Variants in GULP1 observed in about 807,000 individuals in gnomAD.
GULP1 encodes the protein GULP PTB domain containing engulfment adaptor 1, also known as PTB domain-containing engulfment adapter protein 1.
In GULP1, 19 loss-of-function variants were observed where a neutral mutation model predicts 40.9. The observed-to-expected ratio is 0.46, with a 90% CI of 0.32 to 0.68. GULP1 has a LOEUF of 0.68. GULP1 is among the 30% of genes least tolerant of loss of function. The pLI, the probability that GULP1 is intolerant of heterozygous loss-of-function variation, is 0.03. For missense variants in GULP1, 312 were observed against 362.2 expected (o/e 0.86, Z 1.12); for synonymous variants, 119 against 117.6 (o/e 1.01, Z -0.08).
At chr2:188,410,250 A>G (rs181499462) in intron 2 of GULP1, among the ~76,000 whole-genome samples, 6 of 152,312 alleles carry the variant, frequency 3.9e-5, no homozygotes, top group Admixed American at 3.3e-4. Flanking sequence ...TAAAACTACT[A>G]GAAGAAAACA....
intron 1 of GULP1, among the ~76,000 whole-genome samples, chr2:188,366,627 C>T (rs376055375): frequency 1.6e-5 from 2 of 121,908 alleles, no homozygotes; most frequent in Non-Finnish European, 3.2e-5. Flanking sequence ...GAGTCTCGCT[C>T]TGTTGCCCAG....
chr2:188,493,710 T>C (rs928884793), intron 4 of GULP1, among the ~76,000 whole-genome samples: 14 of 152,038 alleles, frequency 9.2e-5, no homozygotes, highest in Admixed American at 9.2e-4. Flanking sequence ...TAAGAACTGT[T>C]GGTTTCCGGT....
intron 2 of GULP1, among the ~76,000 whole-genome samples, chr2:188,439,205 G>T (rs2057706212): frequency 6.6e-6 from 1 of 151,712 alleles, no homozygotes; most frequent in African/African-American, 2.4e-5. Flanking sequence ...AGCTGTTGGA[G>T]TTGGAAAGGG....
intron 2 of GULP1, among the ~76,000 whole-genome samples, chr2:188,444,416 A>G (rs1025823189): frequency 2.6e-5 from 4 of 152,226 alleles, no homozygotes; most frequent in Non-Finnish European, 4.4e-5. Context: ...TAACTATTAA[A>G]AAAACAAATT....
chr2:188,304,625 T>G (rs1165539467), intron 1 of GULP1, among the ~76,000 whole-genome samples: 1 of 152,148 alleles, frequency 6.6e-6, no homozygotes, highest in Non-Finnish European at 1.5e-5. Flanking sequence ...CAAGTGAGAA[T>G]GTAACACCTT....
At chr2:188,489,424 G>C (rs1431011895) in intron 4 of GULP1, among the ~76,000 whole-genome samples, 1 of 152,004 alleles carries the variant, frequency 6.6e-6, no homozygotes, top group East Asian at 1.9e-4. Context: ...ATCCGAAAAT[G>C]AGTCTTTAAT....
chr2:188,529,064 A>C, intron 5 of GULP1, 33 bp from the exon 6 acceptor site: 1 of 898,692 alleles, frequency 1.1e-6, no homozygotes, highest in Non-Finnish European at 1.8e-6. Flanking sequence ...TAGAAATAGA[A>C]GTGTAGCTTT....
intron 2 of GULP1, among the ~76,000 whole-genome samples, chr2:188,444,566 T>A (rs2058221430): frequency 6.6e-6 from 1 of 152,218 alleles, no homozygotes; most frequent in African/African-American, 2.4e-5. Flanking sequence ...CCAGAGTGAT[T>A]TCTGCTTTCC....
chr2:188,534,188 C>T (rs886451330), intron 6 of GULP1, among the ~76,000 whole-genome samples: 4 of 152,036 alleles, frequency 2.6e-5, no homozygotes, highest in African/African-American at 9.7e-5. Context: ...CATACACTCT[C>T]ATTTTCATCG....
intron 7 of GULP1, among the ~76,000 whole-genome samples, chr2:188,559,328 G>A (rs1054999526): frequency 3.9e-5 from 6 of 151,954 alleles, no homozygotes; most frequent in Admixed American, 6.5e-5. Flanking sequence ...CAGCATCCAC[G>A]TCGTTTTGGA....
intron 2 of GULP1, among the ~76,000 whole-genome samples, chr2:188,455,097 A>G (rs1238333713): frequency 6.6e-6 from 1 of 152,096 alleles, no homozygotes; most frequent in Non-Finnish European, 1.5e-5. Context: ...ATGCCACTGT[A>G]CTCCAGCCTT....
intron 4 of GULP1, among the ~76,000 whole-genome samples, chr2:188,519,275 C>T (rs546694329): frequency 6.6e-6 from 1 of 152,198 alleles, no homozygotes; most frequent in East Asian, 1.9e-4. Flanking sequence ...AAAAGGTTTC[C>T]TGGAGCACAG....
At chr2:188,567,758 T>G (rs957164061) in intron 7 of GULP1, among the ~76,000 whole-genome samples, 31 of 152,160 alleles carry the variant, frequency 2.0e-4, no homozygotes, top group African/African-American at 7.2e-4. Flanking sequence ...CATTTTGTTT[T>G]GGAAGAAATT....
chr2:188,530,200 A>G (rs759534812), intron 6 of GULP1, among the ~76,000 whole-genome samples: 4 of 152,158 alleles, frequency 2.6e-5, no homozygotes, highest in Admixed American at 6.6e-5. Flanking sequence ...TACACAGACA[A>G]CCCTAGGTGA....
At chr2:188,381,327 TTCTAG>T (rs2048975479) in intron 1 of GULP1, among the ~76,000 whole-genome samples, 1 of 152,146 alleles carries the variant, frequency 6.6e-6, no homozygotes, top group African/African-American at 2.4e-5. Context: ...GCATAAAATA[TTCTAG>T]TTTGAAAAGT....
rs147688772 is a variant in GULP1, at chr2:188,488,718, G to T, written c.90+5226G>T. Among the ~76,000 whole-genome samples the T allele has an allele frequency of 3.2e-3, 489 of 152,126 alleles. 2 individuals are homozygous for T. The highest frequency in any genetic ancestry group is 0.011 in the African/African-American group (452 of 41,548). On this transcript the variant is annotated intron_variant, in intron 4 of 11. Coordinates refer to ENST00000409830, the MANE Select transcript of GULP1 (RefSeq NM_016315.4). ...CAGGAGACTCAATACGGCCACCTTG[G>T]TGGAATTATATGCAAGAGAATGCTT...
At chr2:188,302,313 AC>A (rs1218384443) in intron 1 of GULP1, among the ~76,000 whole-genome samples, 1 of 152,204 alleles carries the variant, frequency 6.6e-6, no homozygotes, top group African/African-American at 2.4e-5. Flanking sequence ...ACAAGCTCAG[AC>A]AATAGAGAAC....
At chr2:188,534,781 C>T (rs942889878) in intron 6 of GULP1, among the ~76,000 whole-genome samples, 32 of 152,164 alleles carry the variant, frequency 2.1e-4, no homozygotes, top group African/African-American at 6.3e-4. Flanking sequence ...AAGTTTATCA[C>T]ATGACAACCT....
intron 2 of GULP1, among the ~76,000 whole-genome samples, chr2:188,460,502 A>G (rs899206336): frequency 5.3e-5 from 8 of 151,854 alleles, no homozygotes; most frequent in African/African-American, 1.7e-4. Flanking sequence ...ATGTTCTACA[A>G]TTTTACTGAA....
Sources: gnomAD v4.1 joint callset for allele counts (sites outside exome capture counted in the v4.1 genomes callset) on GRCh38, gnomAD v4.1.1 for gene constraint, MANE v1.5 for transcripts, NCBI Gene and HGNC (gene_info 2026-07-23, HGNC 2026-07-21) for gene names.